The following SLF1 variants were observed in gnomAD, a reference collection of about 807,000 sequenced individuals.
SLF1 encodes SMC5/6 complex localization factor 1.
Under a neutral mutation model 123.0 loss-of-function variants are expected in SLF1, and 105 were observed. The observed-to-expected ratio is 0.85, with a 90% CI of 0.73 to 1.00. The LOEUF (loss-of-function observed/expected upper bound fraction) is 1.00. Ranked by LOEUF, SLF1 falls within the 50% of genes least tolerant of loss-of-function variation. The probability of loss-of-function intolerance (pLI) is 0.00; values close to 1 mark genes in which losing one functional copy is unlikely to be tolerated. For missense variants in SLF1, 1,239 were observed against 1,223.0 expected (o/e 1.01, Z -0.20); for synonymous variants, 434 against 406.6 (o/e 1.07, Z -0.81).
intron 4 of SLF1, among the ~76,000 whole-genome samples, chr5:94,636,163 C>A (rs1745748379): frequency 6.6e-6 from 1 of 152,152 alleles, no homozygotes; most frequent in Non-Finnish European, 1.5e-5. Context: ...TAATTACGTT[C>A]AGACTCTTGT....
At chr5:94,646,170 C>A (rs1321328339) in intron 5 of SLF1, among the ~76,000 whole-genome samples, 3 of 152,140 alleles carry the variant, frequency 2.0e-5, no homozygotes, top group Non-Finnish European at 4.4e-5. Context: ...TGCTTTAGCC[C>A]AGGATGTTGA....
chr5:94,668,483 G>A (rs1031605279), intron 12 of SLF1, among the ~76,000 whole-genome samples: 6 of 151,948 alleles, frequency 3.9e-5, no homozygotes, highest in African/African-American at 1.5e-4. Flanking sequence ...ACAGGCATGC[G>A]CCACCACGCC....
intron 1 of SLF1, 100 bp from the exon 2 acceptor site, chr5:94,628,711 A>T: frequency 1.6e-6 from 1 of 629,970 alleles, no homozygotes; most frequent in Non-Finnish European, 2.6e-6. Flanking sequence ...TTGTATGTTT[A>T]ATAGTTTATT....
intron 9 of SLF1, among the ~76,000 whole-genome samples, chr5:94,655,862 A>T (rs967767075): frequency 4.0e-5 from 6 of 151,702 alleles, no homozygotes; most frequent in African/African-American, 1.5e-4. Context: ...TCAAGTCTTC[A>T]TGTTTTTCTA....
At chr5:94,636,553 T>C (rs897588755) in intron 4 of SLF1, among the ~76,000 whole-genome samples, 4 of 151,468 alleles carry the variant, frequency 2.6e-5, no homozygotes, top group African/African-American at 4.9e-5. Flanking sequence ...TGAAGTCTTC[T>C]GTTGCATTTT....
At position 94,679,106 on chromosome 5, in the gene SLF1, G is replaced by C; in HGVS notation, c.1975+151G>C. On this transcript the variant is annotated intron_variant, in intron 15 of 20. Coordinates refer to ENST00000265140, the MANE Select transcript of SLF1 (RefSeq NM_032290.4). ...ACGCACACATAGATTCACACACACAGACAATATAAAGAGGAAGATTTAAAG... is the reference window on the plus strand; with the variant it reads ...ACGCACACATAGATTCACACACACACACAATATAAAGAGGAAGATTTAAAG... 7.6e-6 allele frequency: 6 copies of C among 794,456 alleles called. No individual in the cohort carries two copies. In the South Asian group the frequency reaches 1.3e-4, roughly 17 times the overall value. 49.2% of individuals were successfully genotyped at this position (794,456 alleles called of 1,614,324 possible).
In SLF1 at chr5:94,695,964, A is replaced by C. The variant is rs1384366868; in HGVS notation, c.*652A>C. 6.6e-6 allele frequency: 1 copy of C among 151,870 alleles called. No individual in the cohort carries two copies. The highest frequency in any genetic ancestry group is 2.4e-5 in the African/African-American group (1 of 41,408). 9.4% of individuals were successfully genotyped at this position (151,870 alleles called of 1,614,324 possible). A position where few individuals can be genotyped will look rare whatever the true frequency, so the allele number is the denominator to read the frequency against. On this transcript the variant is annotated 3_prime_UTR_variant, in exon 21 of 21. Transcript: ENST00000265140. ...TTTATTTTAGCAATTCATATACAAA[A>C]TGTATCTGTCGCTGCCCTATGTAAC...
intron 4 of SLF1, among the ~76,000 whole-genome samples, chr5:94,635,668 A>T (rs1745690105): frequency 6.6e-6 from 1 of 151,920 alleles, no homozygotes; most frequent in Non-Finnish European, 1.5e-5. Flanking sequence ...TCAAACTGAT[A>T]ACTTTGGTCA....
intron 13 of SLF1, 29 bp from the exon 14 acceptor site, chr5:94,670,814 G>T (rs1259303365): frequency 1.3e-6 from 2 of 1,506,954 alleles, no homozygotes; most frequent in East Asian, 2.5e-5. Flanking sequence ...TTGGCTTAAA[G>T]ATATACTTTT....
rs550985326 is a variant in SLF1, at chr5:94,644,849, G to A, written c.594+1414G>A. ...CAAAAGCTCCTTGTCATCAGGCATCGTGTCTGTCTTTTCCTTTGTTTTATT... is the reference window on the plus strand; with the variant it reads ...CAAAAGCTCCTTGTCATCAGGCATCATGTCTGTCTTTTCCTTTGTTTTATT... On this transcript the variant is annotated intron_variant, in intron 5 of 20. Transcript: ENST00000265140. Among the ~76,000 whole-genome samples, 54 of 152,282 alleles carry A rather than the reference G, an allele frequency of 3.5e-4. 1 individual carries two copies. The South Asian group carries it at 0.011, about 30-fold the overall frequency.
At chr5:94,629,025 A>G in intron 2 of SLF1, 67 bp from the exon 3 acceptor site, 2 of 1,423,072 alleles carry the variant, frequency 1.4e-6, no homozygotes, top group Admixed American at 2.3e-5. Context: ...TTGTAGCAAT[A>G]AAAAGGATGT....
intron 1 of SLF1, 131 bp from the exon 2 acceptor site, chr5:94,628,680 G>A (rs1029092940): frequency 2.0e-6 from 1 of 506,796 alleles, no homozygotes; most frequent in South Asian, 5.4e-5. Context: ...TTTAACAGCT[G>A]TGCCTAACAT....
Position 94,692,267 on chromosome 5 carries a change from T to A in SLF1, c.2695+11T>A, listed in dbSNP as rs1387447392. On this transcript the variant is annotated intron_variant, in intron 20 of 20. Transcript: ENST00000265140. ...TACTACAGCATGGGGGTGAGTGTGT[T>A]TATGCTAAATGGGTTTTGATAAATT... 6.2e-7 allele frequency: 1 copy of A among 1,606,566 alleles called. No homozygotes were observed. The highest frequency in any genetic ancestry group is 1.1e-5 in the South Asian group (1 of 89,702).
chr5:94,691,730 A>T, intron 19 of SLF1, 74 bp downstream of exon 19: 1 of 1,154,104 alleles, frequency 8.7e-7, no homozygotes. Flanking sequence ...TATCACATTA[A>T]GAAAAATTAT....
At chr5:94,679,088 C>G in intron 15 of SLF1, 133 bp downstream of exon 15, 1 of 916,518 alleles carries the variant, frequency 1.1e-6, no homozygotes, top group Non-Finnish European at 1.6e-6. Flanking sequence ...TGCACGCACA[C>G]ATAGATTCAC....
At chr5:94,620,752 T>C (rs550088151) in intron 1 of SLF1, among the ~76,000 whole-genome samples, 1 of 152,320 alleles carries the variant, frequency 6.6e-6, no homozygotes, top group East Asian at 1.9e-4. Flanking sequence ...AATATATCTG[T>C]ATAATGTACT....
chr5:94,636,301 C>T (rs1464393087), intron 4 of SLF1, among the ~76,000 whole-genome samples: 1 of 152,214 alleles, frequency 6.6e-6, no homozygotes, highest in Non-Finnish European at 1.5e-5. Context: ...CACGATGCTT[C>T]TTGTCCCTGG....
At chr5:94,686,753 C>T (rs1371223145) in intron 16 of SLF1, 35 bp downstream of exon 16, 1 of 1,566,568 alleles carries the variant, frequency 6.4e-7, no homozygotes, top group African/African-American at 1.4e-5. Flanking sequence ...TTTACATTTT[C>T]AAGAAGTGAG....
intron 19 of SLF1, 109 bp from the exon 20 acceptor site, chr5:94,691,965 A>G (rs775735163): frequency 6.8e-5 from 67 of 980,448 alleles, no homozygotes; most frequent in Non-Finnish European, 9.2e-5. Flanking sequence ...TTCTTTTTGT[A>G]TATGAAGCAC....
Sources: gnomAD v4.1 joint callset for allele counts (sites outside exome capture counted in the v4.1 genomes callset) on GRCh38, gnomAD v4.1.1 for gene constraint, MANE v1.5 for transcripts, NCBI Gene and HGNC (gene_info 2026-07-23, HGNC 2026-07-21) for gene names.